EDNRA: variants seen among roughly 807,000 people sequenced by gnomAD.
EDNRA encodes endothelin receptor type A.
A neutral mutation model predicts 41.4 loss-of-function variants in EDNRA; 11 were observed. The observed-to-expected ratio is 0.27, with a 90% confidence interval of 0.17 to 0.44. The LOEUF (loss-of-function observed/expected upper bound fraction) is 0.44, where lower values mean the gene tolerates loss of function less well. Among genes scored for constraint, EDNRA ranks in the 20% least tolerant of loss-of-function variants. The probability of loss-of-function intolerance (pLI) is 1.00; values close to 1 mark genes in which losing one functional copy is unlikely to be tolerated. For synonymous variants in EDNRA, 172 were observed against 183.0 expected, an observed-to-expected ratio of 0.94 and a Z score of 0.49; for missense variants, 294 against 531.0, an observed-to-expected ratio of 0.55 and a Z score of 4.39.
At chr4:147,524,957 G>A (rs1344543866) in intron 3 of EDNRA, among the ~76,000 whole-genome samples, 1 of 152,156 alleles carries the variant, frequency 6.6e-6, no homozygotes. Flanking sequence ...GGAATGAAAA[G>A]GGAGTTTGGA....
chr4:147,538,535 G>GCA (rs948308615), intron 5 of EDNRA, among the ~76,000 whole-genome samples: 3 of 152,182 alleles, frequency 2.0e-5, no homozygotes, highest in Non-Finnish European at 4.4e-5. Flanking sequence ...CTTTGAGTAT[G>GCA]CACTCAGGAA....
intron 3 of EDNRA, 88 bp downstream of exon 3, chr4:147,520,066 A>G: frequency 6.7e-7 from 1 of 1,489,906 alleles, no homozygotes; most frequent in Non-Finnish European, 9.1e-7. Flanking sequence ...ATTCGTGCCC[A>G]GGACAGCTGT....
At chr4:147,506,829 G>A in intron 2 of EDNRA, 1 of 180,850 alleles carries the variant, frequency 5.5e-6, no homozygotes, top group Non-Finnish European at 1.2e-5. Context: ...ATTGATACTG[G>A]AAGGCTTGAA....
chr4:147,516,055 A>G lies in EDNRA; in HGVS notation c.421-3796A>G, dbSNP rs558652654. ...GGCTTTAACTATATTTCAACTATAG[A>G]AAAATTCCCTGAGTTAGAACAAAGA... is the stretch of plus-strand genomic sequence containing the variant. On this transcript the variant is annotated intron_variant, in intron 2 of 7. Coordinates refer to ENST00000651419, the MANE Select transcript of EDNRA (RefSeq NM_001957.4). Among the ~76,000 whole-genome samples, 7 of 152,342 alleles carry G rather than the reference A, an allele frequency of 4.6e-5. No homozygotes were observed. The South Asian group carries it at 1.0e-3, about 23-fold the overall frequency.
rs181732031 is a variant in EDNRA at position 147,542,376 on chromosome 4, C to T, written c.1144-102C>T. 9.4e-5 allele frequency: 142 copies of T among 1,514,744 alleles called. No individual in the cohort carries two copies. The African/African-American group carries it at 1.8e-3, about 19-fold the overall frequency. The allele number at this position is 1,514,744 out of a possible 1,614,324, so 93.8% of individuals were successfully genotyped here. On this transcript the variant is annotated intron_variant, in intron 7 of 7. Transcript: ENST00000651419. ...TGTCAAGGTTCACTTCCCTCGAATG[C>T]GAATGGACATTTGCCCCTCATTAGC...
chr4:147,512,934 A>G (rs949519998), intron 2 of EDNRA, among the ~76,000 whole-genome samples: 3 of 152,156 alleles, frequency 2.0e-5, no homozygotes, highest in Admixed American at 6.5e-5. Context: ...TCACACTTCC[A>G]TATTCTGACT....
chr4:147,524,660 A>G (rs566275347), intron 3 of EDNRA, among the ~76,000 whole-genome samples: 3 of 129,298 alleles, frequency 2.3e-5, no homozygotes, highest in South Asian at 4.8e-4. Flanking sequence ...CCTTAATCCA[A>G]AAGGTCTTTC....
intron 1 of EDNRA, among the ~76,000 whole-genome samples, chr4:147,483,012 C>G (rs1051907303): frequency 6.6e-6 from 1 of 152,124 alleles, no homozygotes; most frequent in Non-Finnish European, 1.5e-5. Context: ...ACGTTAGTCA[C>G]GAAACAGCAC....
chr4:147,530,485 C>T (rs570362864), intron 3 of EDNRA, among the ~76,000 whole-genome samples: 77 of 152,274 alleles, frequency 5.1e-4, no homozygotes, highest in Middle Eastern at 6.8e-3. Context: ...GGTCTGTTTG[C>T]ATAGCTGTAT....
intron 2 of EDNRA, among the ~76,000 whole-genome samples, chr4:147,504,674 C>A (rs1261508087): frequency 6.6e-6 from 1 of 152,052 alleles, no homozygotes; most frequent in Non-Finnish European, 1.5e-5. Context: ...AAGACAACAG[C>A]CGGGTGCGGT....
intron 2 of EDNRA, chr4:147,492,270 G>A (rs1028170523): frequency 6.6e-6 from 1 of 152,120 alleles, no homozygotes; most frequent in Non-Finnish European, 1.5e-5. Context: ...TATCTCCTGT[G>A]CCCAGCTTTA....
chr4:147,484,659 A>C (rs1220907397), intron 1 of EDNRA, among the ~76,000 whole-genome samples: 1 of 152,248 alleles, frequency 6.6e-6, no homozygotes, highest in East Asian at 1.9e-4. Flanking sequence ...AAAAGATAGC[A>C]TGGGGACAGG....
rs200944183 is a variant in EDNRA, at chr4:147,544,083, G to A, written c.*1465G>A. 6.6e-6 allele frequency: 1 copy of A among 152,598 alleles called. No homozygotes were observed. Among genetic ancestry groups the A allele is most frequent in the Non-Finnish European group, 1.5e-5 (1 of 68,038 alleles). 9.5% of individuals were successfully genotyped at this position (152,598 alleles called of 1,614,324 possible). A position where few individuals can be genotyped will look rare whatever the true frequency, so the allele number is the denominator to read the frequency against. On this transcript the variant is annotated 3_prime_UTR_variant, in exon 8 of 8. Coordinates refer to ENST00000651419, the MANE Select transcript of EDNRA (RefSeq NM_001957.4). ...ATTTGTGTGTGTGATATATGCATGT[G>A]TGTGATGGTATGTATGGATTTAATC...
At chr4:147,517,396 T>C (rs1730151485) in intron 2 of EDNRA, among the ~76,000 whole-genome samples, 1 of 152,134 alleles carries the variant, frequency 6.6e-6, no homozygotes, top group South Asian at 2.1e-4. Context: ...CGGGTTCTAC[T>C]TGAGGTTAGA....
intron 7 of EDNRA, among the ~76,000 whole-genome samples, chr4:147,541,515 A>G (rs1731103627): frequency 6.6e-6 from 1 of 152,192 alleles, no homozygotes; most frequent in Admixed American, 6.5e-5. Flanking sequence ...TTCCTCACCT[A>G]TAAAATTGGA....
At chr4:147,540,295 G>T (rs1731054689) in intron 6 of EDNRA, 82 bp from the exon 7 acceptor site, 2 of 1,161,648 alleles carry the variant, frequency 1.7e-6, no homozygotes, top group African/African-American at 3.1e-5. Context: ...CAAGAAAAAT[G>T]CTTATTCTAG....
chr4:147,533,302 G>A (rs187276298), intron 4 of EDNRA, among the ~76,000 whole-genome samples: 17 of 152,074 alleles, frequency 1.1e-4, no homozygotes, highest in African/African-American at 3.6e-4. Flanking sequence ...GGTTTTTTTA[G>A]TACACCTGAC....
chr4:147,502,699 A>T (rs1347767776), intron 2 of EDNRA, among the ~76,000 whole-genome samples: 2 of 152,202 alleles, frequency 1.3e-5, no homozygotes, highest in Admixed American at 6.5e-5. Flanking sequence ...AGACCTTTCC[A>T]CTGTTCAGGC....
intron 1 of EDNRA, among the ~76,000 whole-genome samples, chr4:147,485,259 G>C (rs1466404663): frequency 6.6e-6 from 1 of 151,252 alleles, no homozygotes; most frequent in Non-Finnish European, 1.5e-5. Context: ...AGATGAGTGA[G>C]AGAGACAAAG....
Sources: gnomAD v4.1 joint callset for allele counts (sites outside exome capture counted in the v4.1 genomes callset) on GRCh38, gnomAD v4.1.1 for gene constraint, MANE v1.5 for transcripts, NCBI Gene and HGNC (gene_info 2026-07-23, HGNC 2026-07-21) for gene names.